The following AKNA variants were observed in gnomAD, a reference collection of about 807,000 sequenced individuals.
The protein encoded by AKNA is AT-hook transcription factor, also known as microtubule organization protein AKNA.
A neutral mutation model predicts 138.8 loss-of-function variants in AKNA; 67 were observed. The ratio of observed to expected loss-of-function variants is 0.48; its 90% CI spans 0.40 to 0.59. AKNA has a LOEUF of 0.59. AKNA is among the 20% of genes least tolerant of loss of function. The pLI, the probability that AKNA is intolerant of heterozygous loss-of-function variation, is 0.00. For missense variants in AKNA, 1,813 were observed against 1,880.4 expected, an observed-to-expected ratio of 0.96 and a Z score of 0.66; for synonymous variants, 737 against 754.4, an observed-to-expected ratio of 0.98 and a Z score of 0.38.
rs1381708054 is a variant in AKNA at position 114,374,106 on chromosome 9, C to T, written c.1403G>A (p.Arg468His). ...CCGGCCTGGTACCTTGGCCCCGAGG[C>T]GTAGCTGGTCAATGGTGTTCTCGGC... Reference protein sequence around the residue: ...AEAENTIDQLRLGAKVNLFSD... With the variant: ...AEAENTIDQLHLGAKVNLFSD... The change falls in exon 4 of 22, where the codon CGC becomes CAC. Residue 468 changes from arginine to histidine, a missense_variant. By Grantham distance (29) the Arg-to-His change is conservative. Transcript: ENST00000374088. 5 of 1,557,274 alleles carry T rather than the reference C, an allele frequency of 3.2e-6. No individual in the cohort carries two copies. In the South Asian group the frequency reaches 3.6e-5, roughly 11 times the overall value.
intron 11 of AKNA, chr9:114,359,258 G>A: frequency 3.0e-6 from 1 of 335,940 alleles, no homozygotes; most frequent in South Asian, 3.4e-5. Flanking sequence ...TTGTTGAGAT[G>A]GGGCTTTGCC....
chr9:114,357,053 A>G, intron 12 of AKNA, 84 bp from the exon 13 acceptor site: 3 of 1,258,282 alleles, frequency 2.4e-6, no homozygotes, highest in African/African-American at 1.6e-5. Context: ...GCCTGGCCTC[A>G]CCTCCCAGAG....
intron 14 of AKNA, among the ~76,000 whole-genome samples, 175 bp downstream of exon 14, chr9:114,355,750 G>A (rs73656046): frequency 0.016 from 2,422 of 152,318 alleles, 64 homozygotes; most frequent in African/African-American, 0.056. Context: ...CGTCAGCACT[G>A]ATGGTTTCCA....
rs758602723 is a variant in AKNA at position 114,367,669 on chromosome 9, G to T, written c.1602C>A (p.Ser534Arg). 4.4e-6 allele frequency: 7 copies of T among 1,588,096 alleles called. No individual in the cohort carries two copies. Among genetic ancestry groups the T allele is most frequent in the Middle Eastern group, 1.7e-4 (1 of 5,960 alleles). ...SGWPSARGDL[S>R]PSSLTSMPTL... ...TGGGCATGCTGGTAAGCGAGGAGGG[G>T]CTCAAGTCTCCTCGAGCTGATGGCC... The change falls in exon 6 of 22, where the codon AGC becomes AGA. Residue 534 changes from serine (S) to arginine (R), a missense_variant. Transcript: ENST00000374088.
intron 12 of AKNA, 127 bp downstream of exon 12, chr9:114,357,794 T>C: frequency 6.9e-7 from 1 of 1,451,944 alleles, no homozygotes; most frequent in Middle Eastern, 2.5e-4. Flanking sequence ...GGATTGTGGC[T>C]GGCAGGGACA....
At chr9:114,389,011 T>C (rs1834227733), upstream of AKNA, among the ~76,000 whole-genome samples, 1 of 151,140 alleles carries the variant, frequency 6.6e-6, no homozygotes, top group Admixed American at 6.6e-5. Flanking sequence ...GGGCCAAGAG[T>C]AATGGGTTGG....
At chr9:114,383,042 G>A (rs1431468688) in intron 1 of AKNA, 1 of 431,236 alleles carries the variant, frequency 2.3e-6, no homozygotes, top group Non-Finnish European at 4.7e-6. Context: ...CGAGCTGGGG[G>A]CGGGGAGCAA....
intron 16 of AKNA, 30 bp downstream of exon 16, chr9:114,347,694 G>C (rs1830782257): frequency 1.3e-6 from 2 of 1,500,228 alleles, no homozygotes; most frequent in Non-Finnish European, 8.9e-7. Flanking sequence ...CTGCCACCAG[G>C]ACAGAGGTGG....
At chr9:114,354,207 T>A (rs1831325910) in intron 14 of AKNA, among the ~76,000 whole-genome samples, 1 of 152,144 alleles carries the variant, frequency 6.6e-6, no homozygotes, top group Admixed American at 6.6e-5. Flanking sequence ...TAAAAAACTT[T>A]AAAAACTTTT....
chr9:114,379,015 C>T (rs775649911), intron 2 of AKNA, among the ~76,000 whole-genome samples: 12 of 152,218 alleles, frequency 7.9e-5, no homozygotes, highest in Non-Finnish European at 1.6e-4. Context: ...CAGCAAGTTA[C>T]TCTTGCTTAC....
intron 14 of AKNA, among the ~76,000 whole-genome samples, chr9:114,354,315 A>C (rs1831335217): frequency 6.6e-6 from 1 of 152,112 alleles, no homozygotes; most frequent in Non-Finnish European, 1.5e-5. Flanking sequence ...CCTGTCTTCT[A>C]CCTCCACATC....
chr9:114,392,241 A>AAT (rs1183512139), upstream of AKNA, among the ~76,000 whole-genome samples: 2 of 152,222 alleles, frequency 1.3e-5, no homozygotes, highest in Admixed American at 1.3e-4. Flanking sequence ...AGTGACCAGG[A>AAT]ATAAGCACCT....
chr9:114,393,707 TTTG>T (rs1834437079), intron 1 of AKNA, among the ~76,000 whole-genome samples: 1 of 151,644 alleles, frequency 6.6e-6, no homozygotes, highest in Admixed American at 6.6e-5. Flanking sequence ...ATGTAAAAAT[TTTG>T]TTATGTTAAG....
At chr9:114,331,549 GCT>G (rs1456261077), downstream of AKNA, 2 of 1,597,046 alleles carry the variant, frequency 1.3e-6, no homozygotes, top group African/African-American at 2.7e-5. Context: ...TCACCCAGAG[GCT>G]CTTTTTCTCT....
Position 114,341,587 on chromosome 9 carries a change from G to A in AKNA, c.4013C>T (p.Pro1338Leu), listed in dbSNP as rs768927736. 38 of 1,614,158 alleles carry A rather than the reference G, an allele frequency of 2.4e-5. No homozygotes were observed. The Middle Eastern group carries it at 8.3e-4, about 35-fold the overall frequency. ...AACCGAGGAGATGTAGGCAAAGGCT[G>A]GAGGGGCTGGTGCTGGGGGCGCTGT... ...LATAPPAPAP[P>L]AFAYISSVPI... Residue 1338 changes from proline to leucine, a missense_variant, in exon 21 of 22, where the codon CCA (proline) becomes CTA (leucine). Transcript: ENST00000374088.
intron 11 of AKNA, chr9:114,359,106 T>C (rs1330279252): frequency 1.3e-5 from 2 of 155,792 alleles, no homozygotes; most frequent in African/African-American, 4.9e-5. Context: ...TCTCACACTA[T>C]CACCCAGGCT....
At chr9:114,381,655 G>GTTTTT (rs1160552279) in intron 1 of AKNA, among the ~76,000 whole-genome samples, 1,405 of 82,828 alleles carry the variant, frequency 0.017, 50 homozygotes, top group East Asian at 0.021. Flanking sequence ...TCTCTCCAGG[G>GTTTTT]TTTTTTTTTT....
At position 114,376,830 on chromosome 9, in the gene AKNA, C is replaced by T. The variant is rs145721525; in HGVS notation, c.977G>A (p.Arg326Gln). The change falls in exon 3 of 22, where the codon CGG (arginine) becomes CAG (glutamine). Residue 326 changes from arginine (R) to glutamine (Q), a missense_variant. By Grantham distance (43) the Arg-to-Gln change is conservative. Coordinates refer to ENST00000374088, the MANE Select transcript of AKNA (RefSeq NM_001317950.2). ...CTGTCTGGGCAGCGGCCTGCCCTGC[C>T]GCGTTGGCCTGGGCTGGGGATTCAG... is the stretch of plus-strand genomic sequence containing the variant. ...SPLNPQPRPT[R>Q]QGRPLPRQGA... is the part of the protein sequence containing the mutation. 1,952 of 1,613,110 alleles carry T rather than the reference C, an allele frequency of 1.2e-3. 9 individuals are homozygous for T. Among genetic ancestry groups the T allele is most frequent in the South Asian group, 3.0e-3 (277 of 91,000 alleles).
downstream of AKNA, chr9:114,333,025 A>AT (rs778901096): frequency 6.3e-7 from 1 of 1,598,012 alleles, no homozygotes; most frequent in East Asian, 2.3e-5. Flanking sequence ...CCCTGTCCCC[A>AT]TGCCTCTGCT....
Sources: gnomAD v4.1 joint callset for allele counts (sites outside exome capture counted in the v4.1 genomes callset) on GRCh38, gnomAD v4.1.1 for gene constraint, MANE v1.5 for transcripts, NCBI Gene and HGNC (gene_info 2026-07-23, HGNC 2026-07-21) for gene names.